Variants in RUSC2 observed in about 807,000 individuals in gnomAD.
RUSC2 encodes the protein RUN and SH3 domain containing 2.
In RUSC2, 34 loss-of-function variants were observed where a neutral mutation model predicts 122.2. That is an observed-to-expected ratio of 0.28 (90% CI 0.21 to 0.37). The LOEUF is 0.37. RUSC2 is among the 10% of genes least tolerant of loss of function. RUSC2 has a pLI of 1.00. For synonymous variants in RUSC2, 784 were observed against 790.0 expected (o/e 0.99, Z 0.13); for missense variants, 1,747 against 1,952.4 (o/e 0.89, Z 1.98).
chr9:35,524,433 A>C (rs1358000771), intron 1 of RUSC2, among the ~76,000 whole-genome samples: 1 of 152,242 alleles, frequency 6.6e-6, no homozygotes, highest in Non-Finnish European at 1.5e-5. Flanking sequence ...ATCTAATCTA[A>C]AAGTAATCTC....
At chr9:35,538,502 A>T (rs1309117536) in intron 1 of RUSC2, 1 of 152,310 alleles carries the variant, frequency 6.6e-6, no homozygotes, top group Non-Finnish European at 1.5e-5. Context: ...AATCCTGGTT[A>T]GAGGAAAAAG....
rs1822079882 is a variant in RUSC2, at chr9:35,558,779, T to C, written c.3341+212T>C. Among the ~76,000 whole-genome samples, 1 of 152,236 alleles carries C rather than the reference T, an allele frequency of 6.6e-6. No homozygotes were observed. The highest frequency in any genetic ancestry group is 2.4e-5 in the African/African-American group (1 of 41,460). On this transcript the variant is annotated intron_variant, in intron 8 of 11. Transcript: ENST00000361226. This position sits in a 1 kb window ranked among gnomAD's most constrained non-coding sequence, Gnocchi z 4.3. ...CACCAACGTGGTCTGCTTTTACAAA[T>C]CTGTAATCTGGCTTATTTGGAAATT...
At chr9:35,518,599 G>C (rs975804660) in intron 1 of RUSC2, among the ~76,000 whole-genome samples, 1 of 152,180 alleles carries the variant, frequency 6.6e-6, no homozygotes, top group Non-Finnish European at 1.5e-5. Flanking sequence ...AGGTCTTGCA[G>C]GGATGAAGAA....
At chr9:35,504,087 T>C (rs992527442) in intron 1 of RUSC2, among the ~76,000 whole-genome samples, 6 of 152,264 alleles carry the variant, frequency 3.9e-5, no homozygotes, top group Non-Finnish European at 4.4e-5. Context: ...TTTAATACTT[T>C]TTAATTATTA....
At chr9:35,552,051 G>A (rs767785614) in intron 2 of RUSC2, among the ~76,000 whole-genome samples, 6 of 151,426 alleles carry the variant, frequency 4.0e-5, no homozygotes, top group Non-Finnish European at 7.4e-5. Context: ...CAAAAAGTGA[G>A]ATCCTGTCTC....
chr9:35,532,923 A>G (rs942943559), intron 1 of RUSC2, among the ~76,000 whole-genome samples: 1 of 152,124 alleles, frequency 6.6e-6, no homozygotes, highest in African/African-American at 2.4e-5. Flanking sequence ...GAGTGGAGAG[A>G]GAATTTTAAG....
At chr9:35,559,857 T>G (rs1297712364) in intron 9 of RUSC2, among the ~76,000 whole-genome samples, 172 bp from the exon 10 acceptor site, 2 of 152,198 alleles carry the variant, frequency 1.3e-5, no homozygotes, top group Non-Finnish European at 2.9e-5. Context: ...GTTGGAGAGT[T>G]TAGGCACTGC....
intron 1 of RUSC2, among the ~76,000 whole-genome samples, chr9:35,509,390 G>T (rs1448088172): frequency 6.6e-6 from 1 of 152,184 alleles, no homozygotes; most frequent in Non-Finnish European, 1.5e-5. Flanking sequence ...TTACATGGAA[G>T]ACTTGCTTCT....
chr9:35,542,505 TGA>T (rs1821660586), intron 1 of RUSC2, among the ~76,000 whole-genome samples: 1 of 152,194 alleles, frequency 6.6e-6, no homozygotes, highest in African/African-American at 2.4e-5. Flanking sequence ...AGCCACAGGC[TGA>T]GAGAAAATAT....
intron 1 of RUSC2, among the ~76,000 whole-genome samples, chr9:35,536,808 C>CAA (rs67604535): frequency 0.61 from 42,890 of 70,106 alleles, 11,808 homozygotes; most frequent in Non-Finnish European, 0.69. Context: ...GAGTGAAACT[C>CAA]AAAAAAAAAA....
chr9:35,542,217 T>A (rs1359144098), intron 1 of RUSC2, among the ~76,000 whole-genome samples: 1 of 152,140 alleles, frequency 6.6e-6, no homozygotes, highest in Non-Finnish European at 1.5e-5. Flanking sequence ...TTCTCTGAGA[T>A]ACAAAAGCAT....
At chr9:35,500,456 C>T (rs1458975607) in intron 1 of RUSC2, among the ~76,000 whole-genome samples, 1 of 152,190 alleles carries the variant, frequency 6.6e-6, no homozygotes, top group African/African-American at 2.4e-5. Context: ...CATAGCCAGA[C>T]CATATCACTT....
intron 1 of RUSC2, among the ~76,000 whole-genome samples, chr9:35,518,673 G>C (rs1821153408): frequency 6.6e-6 from 1 of 152,162 alleles, no homozygotes; most frequent in African/African-American, 2.4e-5. Flanking sequence ...AGTGTGTCAT[G>C]TCTAGGAAAA....
chr9:35,533,618 C>T (rs1271603381), intron 1 of RUSC2, among the ~76,000 whole-genome samples: 1 of 152,214 alleles, frequency 6.6e-6, no homozygotes, highest in East Asian at 1.9e-4. Context: ...TTAGCAGGCA[C>T]TCCCCATCTC....
intron 1 of RUSC2, among the ~76,000 whole-genome samples, chr9:35,517,008 C>T (rs1587844061): frequency 6.6e-6 from 1 of 152,198 alleles, no homozygotes; most frequent in East Asian, 1.9e-4. Flanking sequence ...AGTATCACTT[C>T]GTGATCCATA....
In RUSC2 at chr9:35,513,903, CATATATATATATAT is replaced by C. The variant is rs3068511; in HGVS notation, c.-93+23754_-93+23767del. Among the ~76,000 whole-genome samples the C allele has an allele frequency of 4.5e-4, 47 of 104,222 alleles. No homozygotes were observed. The South Asian group carries it at 5.0e-3, about 11-fold the overall frequency. The allele number at this position is 104,222 out of a possible 152,430, so 68.4% of individuals were successfully genotyped here. On this transcript the variant is annotated intron_variant, in intron 1 of 11. Transcript: ENST00000361226. ...CTTTTGTAAATAGTGCTTCAACAAA[CATATATATATATAT>C]ATATATATATATATATATATATTAC... is the stretch of plus-strand genomic sequence containing the variant.
Position 35,560,604 on chromosome 9 carries a change from G to A in RUSC2, c.3964G>A (p.Val1322Met), listed in dbSNP as rs1423589991. The A allele has an allele frequency of 6.2e-7, 1 of 1,612,674 alleles. No individual in the cohort carries two copies. The highest frequency in any genetic ancestry group is 8.5e-7 in the Non-Finnish European group (1 of 1,179,346). ...GGCTCCACCACCCCGAGAGGGAGTA[G>A]TGGAGGGGGCTGAGGCCTGCCCTGC... ...PQAPPPREGVVEGAEACPASE... is the reference protein window; with the variant it reads ...PQAPPPREGVMEGAEACPASE... The change falls in exon 10 of 12, where the codon GTG becomes ATG. Residue 1322 changes from valine to methionine, a missense_variant. Coordinates refer to ENST00000361226, the MANE Select transcript of RUSC2 (RefSeq NM_014806.5).
Position 35,558,378 on chromosome 9 carries a change from G to C in RUSC2, c.3235+7G>C, listed in dbSNP as rs773057788. ...GAGGCTTCCACACAGCTAGGTAGGT[G>C]CTGGGTGCCAAGACGGGGACCCAGG... On this transcript the variant is annotated splice_region_variant and intron_variant, in intron 7 of 11. Coordinates refer to ENST00000361226, the MANE Select transcript of RUSC2 (RefSeq NM_014806.5). The surrounding 1 kb of genome is among the most constrained non-coding windows in gnomAD (Gnocchi z 4.3). The C allele has an allele frequency of 6.2e-7, 1 of 1,613,956 alleles. No individual in the cohort carries two copies. The highest frequency in any genetic ancestry group is 8.5e-7 in the Non-Finnish European group (1 of 1,179,846).
intron 1 of RUSC2, among the ~76,000 whole-genome samples, chr9:35,492,986 G>T (rs10972490): frequency 0.071 from 10,668 of 150,980 alleles, 472 homozygotes; most frequent in East Asian, 0.14. Flanking sequence ...TGTTTTTTGG[G>T]TTTTTTTTTA....
Sources: allele counts gnomAD v4.1 joint callset (sites outside exome capture counted in the v4.1 genomes callset), GRCh38; gene constraint gnomAD v4.1.1; non-coding constraint Gnocchi (gnomAD v3.1); transcripts MANE v1.5; gene names NCBI Gene and HGNC (gene_info 2026-07-23, HGNC 2026-07-21).